SPHKAP: variants seen among roughly 807,000 people sequenced by gnomAD.
The protein encoded by SPHKAP is SPHK1 interactor, AKAP domain containing.
A neutral mutation model predicts 137.5 loss-of-function variants in SPHKAP; 67 were observed. The ratio of observed to expected loss-of-function variants is 0.49; its 90% CI spans 0.40 to 0.60. SPHKAP has a LOEUF of 0.60. SPHKAP is among the 20% of genes least tolerant of loss of function. The probability of loss-of-function intolerance (pLI) is 0.00; values close to 1 mark genes in which losing one functional copy is unlikely to be tolerated. For missense variants in SPHKAP, 2,097 were observed against 2,069.3 expected, an observed-to-expected ratio of 1.01 and a Z score of -0.26; for synonymous variants, 813 against 785.3, an observed-to-expected ratio of 1.04 and a Z score of -0.59.
intron 1 of SPHKAP, among the ~76,000 whole-genome samples, chr2:228,173,318 C>T (rs1446829607): frequency 6.6e-6 from 1 of 152,156 alleles, no homozygotes; most frequent in Admixed American, 6.5e-5. Flanking sequence ...AATTAACTCC[C>T]TCAAAGATAT....
chr2:228,020,017 T>C lies in SPHKAP; in HGVS notation c.837A>G (p.Pro279=). The change falls in exon 7 of 12, where the codon CCA becomes CCG. Residue 279 remains proline, a synonymous_variant. Coordinates refer to ENST00000392056, the MANE Select transcript of SPHKAP (RefSeq NM_001142644.2). ...EDKYINKYPT[P]LIKTERSPEN... The stretch of plus-strand genomic sequence containing the variant: ...CTGGAGATCGTTCTGTTTTAATCAA[T>C]GGTGTGGGATATTTGTTGATGTATT... 3 of 1,614,240 alleles carry C rather than the reference T, an allele frequency of 1.9e-6. No homozygotes were observed. The highest frequency in any genetic ancestry group is 2.5e-6 in the Non-Finnish European group (3 of 1,180,030).
chr2:228,041,808 C>T (rs1334890334), intron 3 of SPHKAP, among the ~76,000 whole-genome samples: 1 of 151,930 alleles, frequency 6.6e-6, no homozygotes, highest in Non-Finnish European at 1.5e-5. Context: ...GCGGAGGACA[C>T]TGGCCGTGGG....
At chr2:227,988,668 T>C (rs948209509) in intron 11 of SPHKAP, among the ~76,000 whole-genome samples, 13 of 152,184 alleles carry the variant, frequency 8.5e-5, no homozygotes, top group African/African-American at 3.1e-4. Context: ...TGGCAGGAGA[T>C]AGAGTTGGAA....
At chr2:228,023,875 TC>T (rs895703518) in intron 5 of SPHKAP, among the ~76,000 whole-genome samples, 1 of 152,138 alleles carries the variant, frequency 6.6e-6, no homozygotes, top group African/African-American at 2.4e-5. Context: ...AGTGATTGGT[TC>T]AGAAATGGGC....
intron 7 of SPHKAP, among the ~76,000 whole-genome samples, chr2:228,007,278 T>C (rs1694178822): frequency 6.6e-6 from 1 of 152,192 alleles, no homozygotes; most frequent in African/African-American, 2.4e-5. Context: ...TAAATTGGGG[T>C]AATAAGAATA....
intron 2 of SPHKAP, among the ~76,000 whole-genome samples, chr2:228,122,070 A>T (rs985951816): frequency 1.3e-5 from 2 of 152,112 alleles, no homozygotes; most frequent in Non-Finnish European, 2.9e-5. Context: ...GTACCGAAAG[A>T]TAAAAAGGAG....
At chr2:228,179,152 G>A (rs1463753632) in intron 1 of SPHKAP, among the ~76,000 whole-genome samples, 1 of 152,102 alleles carries the variant, frequency 6.6e-6, no homozygotes, top group Non-Finnish European at 1.5e-5. Flanking sequence ...TAAGTAGAAT[G>A]TCTTAAATTG....
At chr2:228,121,408 C>CA (rs1247520924) in intron 2 of SPHKAP, among the ~76,000 whole-genome samples, 4 of 152,230 alleles carry the variant, frequency 2.6e-5, no homozygotes, top group Middle Eastern at 3.4e-3. Context: ...CCAAGCTACT[C>CA]AGGAGGCTGA....
intron 1 of SPHKAP, among the ~76,000 whole-genome samples, chr2:228,154,514 A>C (rs200670999): frequency 0.11 from 1,925 of 16,752 alleles, 31 homozygotes; most frequent in Non-Finnish European, 0.16. Context: ...CTCTCTCTCT[A>C]TATATATATA....
At chr2:228,149,644 T>A (rs1369494295) in intron 1 of SPHKAP, among the ~76,000 whole-genome samples, 1 of 152,160 alleles carries the variant, frequency 6.6e-6, no homozygotes, top group East Asian at 1.9e-4. Context: ...TCTGGAAAGG[T>A]CTTGCATGCT....
At chr2:228,120,828 C>G (rs979016123) in intron 2 of SPHKAP, among the ~76,000 whole-genome samples, 11 of 152,096 alleles carry the variant, frequency 7.2e-5, no homozygotes, top group Non-Finnish European at 1.0e-4. Flanking sequence ...GTATAAAATG[C>G]AAGAGTTACA....
chr2:228,180,001 A>C, intron 1 of SPHKAP, among the ~76,000 whole-genome samples: 1 of 152,220 alleles, frequency 6.6e-6, no homozygotes, highest in Non-Finnish European at 1.5e-5. Flanking sequence ...TAGAATAGAT[A>C]GGTGGAGAAA....
At chr2:228,095,231 G>C (rs998851145) in intron 3 of SPHKAP, among the ~76,000 whole-genome samples, 1 of 152,168 alleles carries the variant, frequency 6.6e-6, no homozygotes, top group Non-Finnish European at 1.5e-5. Context: ...ATACCTAACA[G>C]GCACTTGGGC....
At chr2:228,047,751 C>T (rs1409874461) in intron 3 of SPHKAP, among the ~76,000 whole-genome samples, 2 of 151,846 alleles carry the variant, frequency 1.3e-5, no homozygotes, top group African/African-American at 2.4e-5. Context: ...CTAAACTAGT[C>T]TAACTGTTTG....
Position 228,118,240 on chromosome 2 carries a change from GTTTTTTT to G in SPHKAP, c.139-9308_139-9302del, listed in dbSNP as rs71299665. Among the ~76,000 whole-genome samples, 477 of 124,082 alleles carry G rather than the reference GTTTTTTT, an allele frequency of 3.8e-3. 1 individual carries two copies. The highest frequency in any genetic ancestry group is 0.019 in the East Asian group (85 of 4,402). The allele number at this position is 124,082 out of a possible 152,430, so 81.4% of individuals were successfully genotyped here. On this transcript the variant is annotated intron_variant, in intron 2 of 11. Coordinates refer to ENST00000392056, the MANE Select transcript of SPHKAP (RefSeq NM_001142644.2). ...GCATTCCATTCTGTGGAGATACACA[GTTTTTTT>G]TTTTTTTTTTTTTTTTAAGCCATTC...
intron 3 of SPHKAP, among the ~76,000 whole-genome samples, chr2:228,049,625 G>A (rs745721148): frequency 7.2e-5 from 11 of 152,100 alleles, no homozygotes; most frequent in Non-Finnish European, 1.3e-4. Context: ...GACCTAATAG[G>A]TAGCTTTGTG....
At chr2:228,007,818 G>T (rs1272753269) in intron 7 of SPHKAP, among the ~76,000 whole-genome samples, 1 of 152,090 alleles carries the variant, frequency 6.6e-6, no homozygotes, top group Non-Finnish European at 1.5e-5. Context: ...AGAAAGGATA[G>T]TCTCATCAAT....
At position 228,019,252 on chromosome 2, in the gene SPHKAP, A is replaced by G. The variant is rs778798301; in HGVS notation, c.1602T>C (p.Gly534=). 1.6e-5 allele frequency: 26 copies of G among 1,613,962 alleles called. No individual in the cohort carries two copies. The highest frequency in any genetic ancestry group is 2.2e-5 in the Non-Finnish European group (26 of 1,180,024). Residue 534 remains glycine (G), a synonymous_variant, in exon 7 of 12, where the codon GGT becomes GGC. Coordinates refer to ENST00000392056, the MANE Select transcript of SPHKAP (RefSeq NM_001142644.2). ...VVSNFPPGSS[G]ALQTQAPQGL... Reference sequence around the variant, plus strand: ...CTTGGGGTGCTTGAGTTTGCAGTGCACCACTGCTCCCTGGGGGAAAGTTCG... The same window carrying G: ...CTTGGGGTGCTTGAGTTTGCAGTGCGCCACTGCTCCCTGGGGGAAAGTTCG...
At chr2:228,142,381 A>G (rs1461055573) in intron 1 of SPHKAP, among the ~76,000 whole-genome samples, 5 of 152,206 alleles carry the variant, frequency 3.3e-5, no homozygotes, top group African/African-American at 1.2e-4. Flanking sequence ...CTAAGGCCGG[A>G]GAATGGCGTG....
Sources: gnomAD v4.1 joint callset for allele counts (sites outside exome capture counted in the v4.1 genomes callset) on GRCh38, gnomAD v4.1.1 for gene constraint, MANE v1.5 for transcripts, NCBI Gene and HGNC (gene_info 2026-07-23, HGNC 2026-07-21) for gene names.